The following LRRC49 variants were observed in gnomAD, a reference collection of about 807,000 sequenced individuals.
LRRC49 encodes leucine rich repeat containing 49.
LRRC49 carries 50 observed loss-of-function variants against 83.3 expected under a neutral mutation model. That is an observed-to-expected ratio of 0.60 (90% CI 0.48 to 0.76). LRRC49 has a LOEUF of 0.76. Ranked by LOEUF, LRRC49 falls within the 30% of genes least tolerant of loss-of-function variation. The pLI is 0.00. For missense variants in LRRC49, 704 were observed against 809.1 expected (o/e 0.87, Z 1.58); for synonymous variants, 286 against 283.3 (o/e 1.01, Z -0.10).
At chr15:71,017,312 G>C (rs1277323055) in intron 14 of LRRC49, among the ~76,000 whole-genome samples, 1 of 152,048 alleles carries the variant, frequency 6.6e-6, no homozygotes, top group East Asian at 1.9e-4. Context: ...TTATATCTTA[G>C]AAAGGCATTT....
intron 14 of LRRC49, among the ~76,000 whole-genome samples, chr15:71,024,546 GCAA>G (rs1207782553): frequency 4.0e-5 from 6 of 151,666 alleles, no homozygotes; most frequent in Admixed American, 3.3e-4. Context: ...TTGAAGGAAA[GCAA>G]CAACAACAAC....
intron 1 of LRRC49, chr15:70,854,101 T>A: frequency 1.5e-5 from 19 of 1,257,450 alleles, no homozygotes; most frequent in Non-Finnish European, 1.7e-5. Flanking sequence ...CTCGCGGGAC[T>A]GCGGCGCCGC....
At chr15:70,952,216 CTT>C (rs1042825538) in intron 8 of LRRC49, among the ~76,000 whole-genome samples, 3 of 137,728 alleles carry the variant, frequency 2.2e-5, no homozygotes, top group African/African-American at 2.6e-5. Flanking sequence ...TGGCATGAAG[CTT>C]TTTTTTTTTT....
intron 8 of LRRC49, among the ~76,000 whole-genome samples, chr15:70,941,194 G>A (rs188589435): frequency 6.8e-4 from 103 of 152,150 alleles, no homozygotes; most frequent in Non-Finnish European, 1.2e-3. Flanking sequence ...ATGTTCTACC[G>A]CTTCAGAAAA....
At chr15:71,008,965 C>T (rs2038556496) in intron 12 of LRRC49, among the ~76,000 whole-genome samples, 1 of 151,840 alleles carries the variant, frequency 6.6e-6, no homozygotes, top group Non-Finnish European at 1.5e-5. Context: ...TGTATATTTA[C>T]TGTATAATTT....
At chr15:71,003,827 C>T (rs2038354567) in intron 11 of LRRC49, among the ~76,000 whole-genome samples, 1 of 152,116 alleles carries the variant, frequency 6.6e-6, no homozygotes, top group African/African-American at 2.4e-5. Context: ...GTCTATCTCA[C>T]TTTCTTGCCA....
intron 1 of LRRC49, among the ~76,000 whole-genome samples, chr15:70,858,008 T>G (rs1274184150): frequency 6.6e-6 from 1 of 152,212 alleles, no homozygotes; most frequent in Non-Finnish European, 1.5e-5. Context: ...TGGCCCAGAT[T>G]AGACACTCAG....
At chr15:70,947,010 GC>G (rs2036033595) in intron 8 of LRRC49, among the ~76,000 whole-genome samples, 2 of 152,096 alleles carry the variant, frequency 1.3e-5, no homozygotes, top group Non-Finnish European at 2.9e-5. Flanking sequence ...ATCCTGGGAA[GC>G]ACTGAGTAAA....
chr15:70,979,376 G>C (rs918591424), intron 9 of LRRC49, among the ~76,000 whole-genome samples: 1 of 151,860 alleles, frequency 6.6e-6, no homozygotes, highest in Non-Finnish European at 1.5e-5. Context: ...AAGGTGTACA[G>C]TGTGGTGATT....
At chr15:70,892,444 A>G (rs775803502), upstream of LRRC49, 52 of 1,533,830 alleles carry the variant, frequency 3.4e-5, no homozygotes, top group Admixed American at 1.4e-4. Flanking sequence ...GGGGCCCCCA[A>G]TGGGAGGGCT....
At chr15:71,009,477 G>C (rs1317798456) in intron 12 of LRRC49, 1 of 175,270 alleles carries the variant, frequency 5.7e-6, no homozygotes, top group Non-Finnish European at 1.2e-5. Context: ...TAATGTCAAT[G>C]TAAAGCATAT....
intron 9 of LRRC49, among the ~76,000 whole-genome samples, chr15:70,977,448 C>T (rs904635160): frequency 6.6e-6 from 1 of 152,098 alleles, no homozygotes; most frequent in Admixed American, 6.6e-5. Context: ...CGTTTGAGAC[C>T]AGCCTGGCCA....
intron 9 of LRRC49, among the ~76,000 whole-genome samples, chr15:70,968,306 G>A (rs1422564831): frequency 7.2e-5 from 11 of 152,084 alleles, no homozygotes; most frequent in African/African-American, 2.4e-4. Flanking sequence ...TCCGTACAAA[G>A]GACATGAACT....
chr15:70,921,771 G>A (rs897050650), intron 7 of LRRC49, among the ~76,000 whole-genome samples: 1 of 152,150 alleles, frequency 6.6e-6, no homozygotes, highest in Non-Finnish European at 1.5e-5. Flanking sequence ...GGGTTTTCAT[G>A]AATGTACTCA....
intron 15 of LRRC49, among the ~76,000 whole-genome samples, chr15:71,042,360 G>T (rs1208840897): frequency 6.6e-6 from 1 of 152,060 alleles, no homozygotes; most frequent in African/African-American, 2.4e-5. Flanking sequence ...CTATAAGAAA[G>T]TAAAGACAGG....
intron 14 of LRRC49, among the ~76,000 whole-genome samples, chr15:71,034,186 A>G (rs1250549427): frequency 6.6e-6 from 1 of 152,206 alleles, no homozygotes; most frequent in African/African-American, 2.4e-5. Context: ...AAACAAATTT[A>G]CAAGAAAAAA....
chr15:71,008,686 C>G (rs1392063643), intron 12 of LRRC49, 70 bp downstream of exon 12: 2 of 1,045,204 alleles, frequency 1.9e-6, no homozygotes, highest in Admixed American at 4.1e-5. Flanking sequence ...GGCCAAAGAC[C>G]TGTTTTAACT....
intron 11 of LRRC49, among the ~76,000 whole-genome samples, chr15:70,988,346 A>AT: frequency 6.9e-6 from 1 of 145,754 alleles, no homozygotes; most frequent in Non-Finnish European, 1.5e-5. Flanking sequence ...TATATTTAGG[A>AT]TAGTTAGCTC....
At chr15:70,960,550 T>C (rs1253116181) in intron 8 of LRRC49, among the ~76,000 whole-genome samples, 1 of 152,210 alleles carries the variant, frequency 6.6e-6, no homozygotes, top group African/African-American at 2.4e-5. Context: ...AAAACTACAG[T>C]AATCATGACA....
Sources: gnomAD v4.1 joint callset for allele counts (sites outside exome capture counted in the v4.1 genomes callset) on GRCh38, gnomAD v4.1.1 for gene constraint, MANE v1.5 for transcripts, NCBI Gene and HGNC (gene_info 2026-07-23, HGNC 2026-07-21) for gene names.